The following SIN3A variants were observed in gnomAD, a reference collection of about 807,000 sequenced individuals.
SIN3A encodes paired amphipathic helix protein Sin3a.
In SIN3A, 14 loss-of-function variants were observed where a neutral mutation model predicts 146.1. That is an observed-to-expected ratio of 0.10 (90% CI 0.06 to 0.15). The LOEUF (loss-of-function observed/expected upper bound fraction) is 0.15. SIN3A is among the 10% of genes least tolerant of loss of function. SIN3A has a pLI of 1.00. For synonymous variants in SIN3A, 572 were observed against 572.0 expected, an observed-to-expected ratio of 1.00 and a Z score of 0.00; for missense variants, 1,028 against 1,576.0, an observed-to-expected ratio of 0.65 and a Z score of 5.89.
intron 9 of SIN3A, among the ~76,000 whole-genome samples, chr15:75,405,666 G>A (rs1022118749): frequency 2.4e-4 from 36 of 152,074 alleles, no homozygotes; most frequent in Non-Finnish European, 7.4e-5. Context: ...CTGGAGAATC[G>A]CTTGAGCCAG....
At chr15:75,418,751 C>CTT (rs1266238046) in intron 3 of SIN3A, among the ~76,000 whole-genome samples, 1 of 151,284 alleles carries the variant, frequency 6.6e-6, no homozygotes, top group African/African-American at 2.4e-5. Context: ...CAAATGGCCG[C>CTT]TTTTTTGTTT....
At chr15:75,408,076 A>G (rs1285971729) in intron 8 of SIN3A, among the ~76,000 whole-genome samples, 1 of 152,106 alleles carries the variant, frequency 6.6e-6, no homozygotes, top group Non-Finnish European at 1.5e-5. Context: ...GAAGTAGCAC[A>G]TTTACCTTGG....
At chr15:75,439,208 T>TA (rs931411333) in intron 1 of SIN3A, among the ~76,000 whole-genome samples, 1 of 152,146 alleles carries the variant, frequency 6.6e-6, no homozygotes, top group Non-Finnish European at 1.5e-5. Flanking sequence ...ATCTCACAGA[T>TA]AGAGTAAAAG....
chr15:75,437,788 T>C (rs1237416834), intron 1 of SIN3A, among the ~76,000 whole-genome samples: 3 of 151,896 alleles, frequency 2.0e-5, no homozygotes, highest in Non-Finnish European at 2.9e-5. Context: ...AGGAAGACAT[T>C]ATAAAAAGAA....
intron 1 of SIN3A, among the ~76,000 whole-genome samples, chr15:75,445,750 C>T (rs1384294529): frequency 2.5e-5 from 1 of 39,972 alleles, no homozygotes; most frequent in Non-Finnish European, 4.9e-5. Flanking sequence ...GACCTTGTCT[C>T]AAAAAAAAGA....
intron 3 of SIN3A, chr15:75,419,724 C>T (rs1432197997): frequency 1.3e-5 from 2 of 151,842 alleles, no homozygotes; most frequent in African/African-American, 2.4e-5. Context: ...ATTTGGGAGA[C>T]TGAGGCATAA....
At chr15:75,384,056 T>G (rs1383245154) in intron 17 of SIN3A, 1 of 323,278 alleles carries the variant, frequency 3.1e-6, no homozygotes, top group Non-Finnish European at 5.6e-6. Flanking sequence ...ATAACTAGTT[T>G]TTTTTTTTTC....
chr15:75,405,481 G>T (rs966625208), intron 9 of SIN3A, among the ~76,000 whole-genome samples: 1 of 151,884 alleles, frequency 6.6e-6, no homozygotes, highest in Non-Finnish European at 1.5e-5. Flanking sequence ...TTGGCCAGGT[G>T]TGGTGGCTCA....
chr15:75,383,781 C>A (rs562302287), intron 17 of SIN3A, among the ~76,000 whole-genome samples: 50 of 152,178 alleles, frequency 3.3e-4, no homozygotes, highest in Middle Eastern at 3.4e-3. Context: ...GCTACCATGC[C>A]GGGCTAATTT....
chr15:75,389,515 A>G, intron 16 of SIN3A, 137 bp downstream of exon 16: 1 of 768,804 alleles, frequency 1.3e-6, no homozygotes, highest in East Asian at 2.6e-5. Flanking sequence ...CATCACATTA[A>G]CCTCCCCTCC....
chr15:75,433,230 T>A (rs186043414), intron 1 of SIN3A, among the ~76,000 whole-genome samples: 5 of 152,148 alleles, frequency 3.3e-5, no homozygotes, highest in African/African-American at 1.2e-4. Flanking sequence ...CTATCTACCA[T>A]GAAGCTTTCT....
intron 1 of SIN3A, chr15:75,436,404 G>C (rs537486865): frequency 6.6e-6 from 1 of 152,310 alleles, no homozygotes; most frequent in South Asian, 2.1e-4. Context: ...CCAGGAGACA[G>C]AGGCTGAGGT....
intron 6 of SIN3A, 22 bp from the exon 7 acceptor site, chr15:75,410,308 G>C (rs767130530): frequency 6.2e-7 from 1 of 1,608,844 alleles, no homozygotes; most frequent in South Asian, 1.1e-5. Context: ...CAAATGAAAA[G>C]AGATCATTTG....
chr15:75,385,598 CAAG>C (rs2073062122), intron 16 of SIN3A, among the ~76,000 whole-genome samples: 1 of 152,132 alleles, frequency 6.6e-6, no homozygotes, highest in African/African-American at 2.4e-5. Flanking sequence ...AAAATAGATA[CAAG>C]AAGAAAGCAA....
chr15:75,380,857 A>G (rs1313613590), intron 18 of SIN3A, 134 bp from the exon 19 acceptor site: 1 of 651,088 alleles, frequency 1.5e-6, no homozygotes, highest in Non-Finnish European at 2.8e-6. Context: ...GTCCCTTTCT[A>G]TAAAGACATG....
At chr15:75,420,648 A>T (rs2073826316) in intron 3 of SIN3A, 1 of 152,204 alleles carries the variant, frequency 6.6e-6, no homozygotes, top group Non-Finnish European at 1.5e-5. Flanking sequence ...CGGCCTCCCA[A>T]AGTGCTGGGA....
upstream of SIN3A, among the ~76,000 whole-genome samples, chr15:75,451,930 G>A (rs548160955): frequency 5.9e-5 from 9 of 151,908 alleles, no homozygotes; most frequent in South Asian, 1.5e-3. Flanking sequence ...ACGGACTGCT[G>A]AAGCCCACCC....
rs770898798 is a variant in SIN3A at position 75,389,832 on chromosome 15, G to C, written c.2852-11C>G. On this transcript the variant is annotated splice_polypyrimidine_tract_variant and intron_variant, in intron 15 of 20. Coordinates refer to ENST00000394947, the MANE Select transcript of SIN3A (RefSeq NM_001145358.2). ...CTACATCAACATCCACTGTGGGAGA[G>C]ATGGGATTGGTGAGGCCTTACCTTG... The C allele has an allele frequency of 6.2e-7, 1 of 1,613,370 alleles. No individual in the cohort carries two copies. The highest frequency in any genetic ancestry group is 8.5e-7 in the Non-Finnish European group (1 of 1,179,576).
At chr15:75,409,385 T>C (rs185617307) in intron 8 of SIN3A, among the ~76,000 whole-genome samples, 4 of 151,858 alleles carry the variant, frequency 2.6e-5, no homozygotes, top group African/African-American at 9.7e-5. Context: ...CTGCACTGAG[T>C]TTCTGTGACA....
Sources: gnomAD v4.1 joint callset for allele counts (sites outside exome capture counted in the v4.1 genomes callset) on GRCh38, gnomAD v4.1.1 for gene constraint, MANE v1.5 for transcripts, NCBI Gene and HGNC (gene_info 2026-07-23, HGNC 2026-07-21) for gene names.